Variants in CNTN5 observed in about 807,000 individuals in gnomAD.
CNTN5 encodes contactin-5.
In CNTN5, 77 loss-of-function variants were observed where a neutral mutation model predicts 129.1. That is an observed-to-expected ratio of 0.60 (90% confidence interval 0.50 to 0.72). The LOEUF is 0.72. Ranked by LOEUF, CNTN5 falls within the 30% of genes least tolerant of loss-of-function variation. The pLI, the probability that CNTN5 is intolerant of heterozygous loss-of-function variation, is 0.00. For missense variants in CNTN5, 1,478 were observed against 1,328.8 expected (o/e 1.11, Z -1.75); for synonymous variants, 509 against 465.6 (o/e 1.09, Z -1.20).
At chr11:99,654,197 T>C (rs528515059) in intron 3 of CNTN5, among the ~76,000 whole-genome samples, 4 of 152,150 alleles carry the variant, frequency 2.6e-5, no homozygotes, top group African/African-American at 9.6e-5. Flanking sequence ...AGCTTTTAAG[T>C]TTTTCAAATT....
intron 15 of CNTN5, among the ~76,000 whole-genome samples, chr11:100,197,090 A>C (rs1258977646): frequency 1.3e-5 from 2 of 151,962 alleles, no homozygotes; most frequent in Non-Finnish European, 2.9e-5. Context: ...GATCCATTCA[A>C]ATGGAAGGAT....
At chr11:99,735,139 T>C (rs559997604) in intron 3 of CNTN5, among the ~76,000 whole-genome samples, 2 of 152,362 alleles carry the variant, frequency 1.3e-5, no homozygotes, top group South Asian at 2.1e-4. Flanking sequence ...CTAGGCATTG[T>C]TGTAAGATCC....
At chr11:99,506,414 AT>A in intron 2 of CNTN5, among the ~76,000 whole-genome samples, 1 of 152,098 alleles carries the variant, frequency 6.6e-6, no homozygotes, top group South Asian at 2.1e-4. Flanking sequence ...TATCTTTTCT[AT>A]TTTTTTAAAC....
chr11:99,518,651 A>G (rs1057047660), intron 2 of CNTN5, among the ~76,000 whole-genome samples: 2 of 152,148 alleles, frequency 1.3e-5, no homozygotes, highest in African/African-American at 2.4e-5. Context: ...CAAATATACT[A>G]TAAGCTTATG....
At chr11:99,753,408 C>T (rs1944302555) in intron 3 of CNTN5, among the ~76,000 whole-genome samples, 1 of 151,738 alleles carries the variant, frequency 6.6e-6, no homozygotes, top group Non-Finnish European at 1.5e-5. Context: ...AGACGTGAGC[C>T]ACCGCGCCCG....
At chr11:99,997,954 A>C (rs2137449838) in intron 8 of CNTN5, among the ~76,000 whole-genome samples, 1 of 152,268 alleles carries the variant, frequency 6.6e-6, no homozygotes, top group African/African-American at 2.4e-5. Context: ...AAAATTCAAC[A>C]ATCTTCATGC....
Position 99,767,843 on chromosome 11 carries a change from T to C in CNTN5, c.56-51701T>C, listed in dbSNP as rs1944808358. The stretch of plus-strand genomic sequence containing the variant: ...TCTATAATAAAATGAATAATTTCTG[T>C]TTCAGTACAGAATTGTCATTTCTCC... On this transcript the variant is annotated intron_variant, in intron 3 of 24. Transcript: ENST00000524871. 2.6e-5 allele frequency among the ~76,000 whole-genome samples: 4 copies of C among 152,220 alleles called. No homozygotes were observed. In the South Asian group the frequency reaches 8.3e-4, roughly 32 times the overall value.
At chr11:100,066,373 G>A (rs1033576738) in intron 10 of CNTN5, among the ~76,000 whole-genome samples, 3 of 152,086 alleles carry the variant, frequency 2.0e-5, no homozygotes, top group African/African-American at 7.2e-5. Flanking sequence ...GATAAAATAT[G>A]TTGACTCCTC....
chr11:100,132,429 T>C (rs918802513), intron 13 of CNTN5, among the ~76,000 whole-genome samples: 5 of 152,072 alleles, frequency 3.3e-5, no homozygotes, highest in Admixed American at 3.3e-4. Context: ...ATGGGGGCAG[T>C]AGGAGTAGTA....
intron 9 of CNTN5, among the ~76,000 whole-genome samples, chr11:100,056,600 G>T (rs1329279676): frequency 6.6e-6 from 1 of 151,574 alleles, no homozygotes; most frequent in Admixed American, 6.6e-5. Context: ...TATTTTCAGA[G>T]AGAAAATTCA....
At chr11:99,364,490 G>T (rs889692398) in intron 2 of CNTN5, among the ~76,000 whole-genome samples, 2 of 152,002 alleles carry the variant, frequency 1.3e-5, no homozygotes, top group Admixed American at 1.3e-4. Flanking sequence ...AATTTGGTCA[G>T]GGGAAATGGA....
At chr11:99,048,000 A>C (rs1335220939) in intron 1 of CNTN5, among the ~76,000 whole-genome samples, 2 of 152,066 alleles carry the variant, frequency 1.3e-5, no homozygotes, top group Non-Finnish European at 2.9e-5. Flanking sequence ...TTTCATGAAA[A>C]AAAGCAGTAT....
chr11:99,379,768 T>A (rs1247426673), intron 2 of CNTN5, among the ~76,000 whole-genome samples: 1 of 152,010 alleles, frequency 6.6e-6, no homozygotes. Context: ...AAAGCTTTGG[T>A]GGGTGACAGA....
chr11:99,178,546 T>C (rs1248110099), intron 1 of CNTN5, among the ~76,000 whole-genome samples: 1 of 151,926 alleles, frequency 6.6e-6, no homozygotes, highest in African/African-American at 2.4e-5. Flanking sequence ...AAACCTAGCA[T>C]CTTTAGAGAC....
At chr11:99,487,207 A>G (rs1945852688) in intron 2 of CNTN5, among the ~76,000 whole-genome samples, 1 of 152,194 alleles carries the variant, frequency 6.6e-6, no homozygotes, top group South Asian at 2.1e-4. Context: ...CCACGTTTTA[A>G]GGTGAAGTGA....
chr11:99,714,168 A>G (rs1275929006), intron 3 of CNTN5, among the ~76,000 whole-genome samples: 1 of 151,934 alleles, frequency 6.6e-6, no homozygotes, highest in African/African-American at 2.4e-5. Context: ...ATATTTTAAT[A>G]TGGCTACACA....
chr11:99,732,973 C>T (rs35753000), intron 3 of CNTN5, among the ~76,000 whole-genome samples: 9,931 of 152,094 alleles, frequency 0.065, 496 homozygotes, highest in South Asian at 0.24. Flanking sequence ...GCAGAGGGCT[C>T]TTAGGAATTT....
chr11:99,040,408 G>T (rs1208005052), intron 1 of CNTN5, among the ~76,000 whole-genome samples: 2 of 152,154 alleles, frequency 1.3e-5, no homozygotes, highest in East Asian at 3.9e-4. Flanking sequence ...CATTTTATAA[G>T]ATATGAGATA....
chr11:99,872,571 C>T (rs1226947974), intron 6 of CNTN5, among the ~76,000 whole-genome samples: 3 of 152,058 alleles, frequency 2.0e-5, no homozygotes, highest in African/African-American at 7.2e-5. Flanking sequence ...TCCTGCCACC[C>T]GGTACTCTGA....
Sources: gnomAD v4.1 joint callset for allele counts (sites outside exome capture counted in the v4.1 genomes callset) on GRCh38, gnomAD v4.1.1 for gene constraint, MANE v1.5 for transcripts, NCBI Gene and HGNC (gene_info 2026-07-23, HGNC 2026-07-21) for gene names.